CBFA2T3: variants seen among roughly 807,000 people sequenced by gnomAD.
CBFA2T3 encodes the protein transcriptional corepressor CBFA2T3.
In CBFA2T3, 31 loss-of-function variants were observed where a neutral mutation model predicts 58.6. The observed-to-expected ratio is 0.53, with a 90% CI of 0.40 to 0.71. The LOEUF is 0.71. Among genes scored for constraint, CBFA2T3 ranks in the 30% least tolerant of loss-of-function variants. The pLI, the probability that CBFA2T3 is intolerant of heterozygous loss-of-function variation, is 0.00. For missense variants in CBFA2T3, 1,076 were observed against 963.1 expected, an observed-to-expected ratio of 1.12 and a Z score of -1.55; for synonymous variants, 531 against 421.9, an observed-to-expected ratio of 1.26 and a Z score of -3.17.
At chr16:88,915,138 G>A (rs1347298835) in intron 1 of CBFA2T3, among the ~76,000 whole-genome samples, 1 of 148,836 alleles carries the variant, frequency 6.7e-6, no homozygotes, top group Non-Finnish European at 1.5e-5. Context: ...CAGCCGAATT[G>A]CAGACAAGCA....
Position 88,887,756 on chromosome 16 carries a change from TAC to T in CBFA2T3, c.712-1616_712-1615del, listed in dbSNP as rs751073541. Among the ~76,000 whole-genome samples the T allele has an allele frequency of 6.2e-4, 94 of 152,276 alleles. 1 individual carries two copies. The highest frequency in any genetic ancestry group is 2.0e-3 in the Admixed American group (31 of 15,300). On this transcript the variant is annotated intron_variant, in intron 5 of 11. Transcript: ENST00000268679. Reference sequence around the variant, plus strand: ...CGGGGAGGTGTCACCACTAAAATGCTACACACACTGAGCTGGTCAAAATGCCC... The same window carrying T: ...CGGGGAGGTGTCACCACTAAAATGCTACACACTGAGCTGGTCAAAATGCCC...
At chr16:88,925,430 A>C (rs1971055940) in intron 1 of CBFA2T3, among the ~76,000 whole-genome samples, 1 of 152,088 alleles carries the variant, frequency 6.6e-6, no homozygotes, top group South Asian at 2.1e-4. Context: ...CTGAGTCAAA[A>C]CAGCCCCCAG....
intron 1 of CBFA2T3, among the ~76,000 whole-genome samples, chr16:88,918,410 C>T (rs1970808927): frequency 6.6e-6 from 1 of 152,216 alleles, no homozygotes; most frequent in South Asian, 2.1e-4. Context: ...TGTGGCTGCC[C>T]CTGGGACCAG....
At chr16:88,947,315 T>G (rs1331207291) in intron 1 of CBFA2T3, among the ~76,000 whole-genome samples, 1 of 152,238 alleles carries the variant, frequency 6.6e-6, no homozygotes, top group African/African-American at 2.4e-5. Flanking sequence ...AATGACATTT[T>G]ATTTGCCGTT....
At chr16:88,947,995 T>A (rs548199845) in intron 1 of CBFA2T3, among the ~76,000 whole-genome samples, 1 of 152,262 alleles carries the variant, frequency 6.6e-6, no homozygotes, top group East Asian at 1.9e-4. Flanking sequence ...TTGGTAGTAG[T>A]TTGTGTATTC....
Position 88,885,451 on chromosome 16 carries a change from C to A in CBFA2T3, c.894-182G>T, listed in dbSNP as rs1353748274. On this transcript the variant is annotated intron_variant, in intron 6 of 11. Transcript: ENST00000268679. This position sits in a 1 kb window ranked among gnomAD's most constrained non-coding sequence, Gnocchi z 5.3. ...CCAGCCCGGCGCCCCCACTCTCTGC[C>A]CCTCTGCCGGGGCCCATGCCAGCCT... is the stretch of plus-strand genomic sequence containing the variant. Among the ~76,000 whole-genome samples the A allele has an allele frequency of 6.6e-6, 1 of 152,082 alleles. No individual in the cohort carries two copies. The highest frequency in any genetic ancestry group is 1.5e-5 in the Non-Finnish European group (1 of 67,990).
At position 88,954,379 on chromosome 16, in the gene CBFA2T3, CACCCA is replaced by C. The variant is rs1567632808; in HGVS notation, c.151+22273_151+22277del. Among the ~76,000 whole-genome samples, 144 of 139,384 alleles carry C rather than the reference CACCCA, an allele frequency of 1.0e-3. 1 individual carries two copies. The highest frequency in any genetic ancestry group is 3.6e-3 in the African/African-American group (121 of 33,688). 91.4% of individuals were successfully genotyped at this position (139,384 alleles called of 152,430 possible). ...TGACCTCACCCAAGGCTCCTGACCC[CACCCA>C]AGACTCCTGACCCTACCCAAGACTC... On this transcript the variant is annotated intron_variant, in intron 1 of 11. Transcript: ENST00000268679.
chr16:88,943,912 C>G (rs181074099), intron 1 of CBFA2T3, among the ~76,000 whole-genome samples: 4 of 152,140 alleles, frequency 2.6e-5, no homozygotes, highest in Non-Finnish European at 5.9e-5. Flanking sequence ...AGACCACGGG[C>G]GAGCAGGACC....
At position 88,910,795 on chromosome 16, in the gene CBFA2T3, G is replaced by A. The variant is rs148215528; in HGVS notation, c.152-9139C>T. ...CAAGATAGAGGCAAAGTGAAGGGAC[G>A]TGGGGCCCCTTCTTGGCAGGCTCTA... On this transcript the variant is annotated intron_variant, in intron 1 of 11. Coordinates refer to ENST00000268679, the MANE Select transcript of CBFA2T3 (RefSeq NM_005187.6). Among the ~76,000 whole-genome samples the A allele has an allele frequency of 5.3e-5, 8 of 152,300 alleles. No individual in the cohort carries two copies. The East Asian group carries it at 1.5e-3, about 29-fold the overall frequency.
chr16:88,940,605 G>A (rs1318718575), intron 1 of CBFA2T3, among the ~76,000 whole-genome samples: 1 of 152,204 alleles, frequency 6.6e-6, no homozygotes, highest in Non-Finnish European at 1.5e-5. Context: ...CCGGGCAGGA[G>A]GGAGAGGAGC....
At chr16:88,884,834 C>G (rs911970508) in intron 7 of CBFA2T3, 2 of 473,074 alleles carry the variant, frequency 4.2e-6, no homozygotes, top group African/African-American at 4.1e-5. Flanking sequence ...CCGCCCACCC[C>G]GGGGGGAGAG....
chr16:88,879,652 A>G (rs1249382329), intron 10 of CBFA2T3, 192 bp from the exon 11 acceptor site: 1 of 568,576 alleles, frequency 1.8e-6, no homozygotes, highest in South Asian at 2.4e-5. Context: ...GCACACACAG[A>G]CACACGTTGA....
intron 1 of CBFA2T3, among the ~76,000 whole-genome samples, chr16:88,968,702 A>G (rs1336905910): frequency 2.0e-5 from 3 of 152,148 alleles, no homozygotes; most frequent in Non-Finnish European, 2.9e-5. Flanking sequence ...AACACCCACC[A>G]CTGCAGGCCC....
chr16:88,967,090 G>A (rs553948598), intron 1 of CBFA2T3, among the ~76,000 whole-genome samples: 9 of 151,140 alleles, frequency 6.0e-5, no homozygotes, highest in South Asian at 4.2e-4. Flanking sequence ...AGAACAGTGC[G>A]CTGGTGTGTG....
At chr16:88,887,122 C>T (rs1444529752) in intron 5 of CBFA2T3, 1 of 152,288 alleles carries the variant, frequency 6.6e-6, no homozygotes, top group Non-Finnish European at 1.5e-5. Flanking sequence ...TAAATAAATC[C>T]AATTCCCCAA....
At chr16:88,906,912 G>A (rs1287548238) in intron 1 of CBFA2T3, among the ~76,000 whole-genome samples, 2 of 152,228 alleles carry the variant, frequency 1.3e-5, no homozygotes, top group East Asian at 1.9e-4. Context: ...TGGGACACGC[G>A]GCCCTGTGGG....
At chr16:88,974,785 C>T (rs1015950574) in intron 1 of CBFA2T3, among the ~76,000 whole-genome samples, 3 of 152,114 alleles carry the variant, frequency 2.0e-5, no homozygotes, top group African/African-American at 7.2e-5. Flanking sequence ...ATGGCCCCCG[C>T]TCCTCCAGCC....
chr16:88,913,437 G>A (rs1970592126), intron 1 of CBFA2T3, among the ~76,000 whole-genome samples: 1 of 152,246 alleles, frequency 6.6e-6, no homozygotes, highest in Non-Finnish European at 1.5e-5. Flanking sequence ...TTGTTACATG[G>A]CGATAGCTGA....
At chr16:88,922,186 C>T (rs921623242) in intron 1 of CBFA2T3, among the ~76,000 whole-genome samples, 4 of 152,236 alleles carry the variant, frequency 2.6e-5, no homozygotes, top group Admixed American at 2.0e-4. Flanking sequence ...AGGGTCTTCA[C>T]CCAAGAGGGT....
Sources: allele counts gnomAD v4.1 joint callset (sites outside exome capture counted in the v4.1 genomes callset), GRCh38; gene constraint gnomAD v4.1.1; non-coding constraint Gnocchi (gnomAD v3.1); transcripts MANE v1.5; gene names NCBI Gene and HGNC (gene_info 2026-07-23, HGNC 2026-07-21).